Variants in BNC2 observed in about 807,000 individuals in gnomAD.
BNC2 encodes zinc finger protein basonuclin-2.
Under a neutral mutation model 76.3 loss-of-function variants are expected in BNC2, and 20 were observed. That is an observed-to-expected ratio of 0.26 (90% confidence interval 0.18 to 0.38). BNC2 has a LOEUF of 0.38. Ranked by LOEUF, BNC2 falls within the 10% of genes least tolerant of loss-of-function variation. BNC2 has a pLI of 1.00. For missense variants in BNC2, 1,382 were observed against 1,399.8 expected, an observed-to-expected ratio of 0.99 and a Z score of 0.20; for synonymous variants, 582 against 514.8, an observed-to-expected ratio of 1.13 and a Z score of -1.77.
intron 6 of BNC2, among the ~76,000 whole-genome samples, chr9:16,434,066 A>T (rs1266250528): frequency 6.6e-6 from 1 of 152,172 alleles, no homozygotes; most frequent in East Asian, 1.9e-4. Flanking sequence ...TAACGTTGTG[A>T]CTATAAACCA....
chr9:16,657,140 T>C (rs1032692654), intron 3 of BNC2, among the ~76,000 whole-genome samples: 8 of 151,996 alleles, frequency 5.3e-5, no homozygotes, highest in African/African-American at 1.9e-4. Context: ...GAGAAACAGG[T>C]GGGCAGTTAA....
intron 5 of BNC2, among the ~76,000 whole-genome samples, chr9:16,514,695 A>G (rs1822837924): frequency 6.6e-6 from 1 of 152,232 alleles, no homozygotes; most frequent in Admixed American, 6.5e-5. Flanking sequence ...TTGTAATAAT[A>G]ACATTTTTCT....
rs188643589 is a variant in BNC2 at position 16,437,481 on chromosome 9, C to T, written c.713G>A (p.Arg238Gln). 3.7e-5 allele frequency: 60 copies of T among 1,613,620 alleles called. No individual in the cohort carries two copies. Among genetic ancestry groups the T allele is most frequent in the Non-Finnish European group, 4.8e-5 (57 of 1,179,982 alleles). The part of the protein sequence containing the change: ...KVLDRWAIMS[R>Q]EEEIITLQQF... ...CTGAAGGGTGATGATTTCCTCTTCT[C>T]GAGACATGATGGCCCAGCGGTCCAG... Residue 238 changes from arginine to glutamine, a missense_variant, in exon 6 of 7, where the codon CGA (arginine) becomes CAA (glutamine). Coordinates refer to ENST00000380672, the MANE Select transcript of BNC2 (RefSeq NM_017637.6).
chr9:16,779,968 G>A (rs1348971542), intron 1 of BNC2, among the ~76,000 whole-genome samples: 2 of 152,300 alleles, frequency 1.3e-5, no homozygotes, highest in Non-Finnish European at 2.9e-5. Context: ...CGGGCGTGGT[G>A]GCTCACGCCT....
At chr9:16,847,956 T>C (rs1022084627) in intron 1 of BNC2, among the ~76,000 whole-genome samples, 2 of 152,212 alleles carry the variant, frequency 1.3e-5, no homozygotes, top group African/African-American at 4.8e-5. Flanking sequence ...GTGTGTTCAA[T>C]CTCAAAAGAC....
At chr9:16,556,944 C>T (rs75406773) in intron 4 of BNC2, among the ~76,000 whole-genome samples, 3,440 of 152,060 alleles carry the variant, frequency 0.023, 145 homozygotes, top group African/African-American at 0.077. Flanking sequence ...AACTATGATA[C>T]ATGATGATTT....
At chr9:16,619,339 C>CA (rs111641752) in intron 3 of BNC2, among the ~76,000 whole-genome samples, 77 of 147,814 alleles carry the variant, frequency 5.2e-4, no homozygotes, top group East Asian at 3.0e-3. Flanking sequence ...AAACAAAAAA[C>CA]AAAAAAAAAA....
At chr9:16,854,950 C>A (rs1235013353) in intron 1 of BNC2, among the ~76,000 whole-genome samples, 1 of 151,876 alleles carries the variant, frequency 6.6e-6, no homozygotes, top group Non-Finnish European at 1.5e-5. Flanking sequence ...CCCTCAGGCC[C>A]CCATCCCACC....
At chr9:16,459,797 G>C (rs1287210790) in intron 5 of BNC2, among the ~76,000 whole-genome samples, 1 of 151,336 alleles carries the variant, frequency 6.6e-6, no homozygotes, top group African/African-American at 2.4e-5. Flanking sequence ...CAAATAAAAA[G>C]AAAAAAAACC....
rs541468867 is a variant in BNC2 at position 16,443,566 on chromosome 9, C to T, written c.670-6042G>A. ...TAAAAATTGATGAAACAATGCTATG[C>T]AAAACTTAAATCATAAATTTTACCA... On this transcript the variant is annotated intron_variant, in intron 5 of 6. Transcript: ENST00000380672. Among the ~76,000 whole-genome samples, 4 of 152,084 alleles carry T rather than the reference C, an allele frequency of 2.6e-5. No individual in the cohort carries two copies. The East Asian group carries it at 7.7e-4, about 29-fold the overall frequency.
intron 4 of BNC2, among the ~76,000 whole-genome samples, chr9:16,564,408 G>C (rs776819699): frequency 2.0e-5 from 3 of 152,148 alleles, no homozygotes; most frequent in Non-Finnish European, 4.4e-5. Context: ...GTAAAGATGA[G>C]GCACAGCTAC....
At chr9:16,774,273 G>A (rs188292999) in intron 1 of BNC2, among the ~76,000 whole-genome samples, 165 of 152,282 alleles carry the variant, frequency 1.1e-3, no homozygotes, top group African/African-American at 2.9e-3. Context: ...GTGAGCCACC[G>A]TGTCCGGCCT....
At chr9:16,813,415 G>C (rs1257875225) in intron 1 of BNC2, among the ~76,000 whole-genome samples, 1 of 151,748 alleles carries the variant, frequency 6.6e-6, no homozygotes, top group African/African-American at 2.4e-5. Flanking sequence ...ACAGGCGCCC[G>C]CCACTACGCC....
chr9:16,550,236 C>T (rs998371391), intron 5 of BNC2, among the ~76,000 whole-genome samples: 34 of 151,812 alleles, frequency 2.2e-4, no homozygotes, highest in African/African-American at 8.3e-4. Context: ...AATTTGTAAA[C>T]TTTCTTAAAA....
chr9:16,456,142 A>C (rs1285695496), intron 5 of BNC2, among the ~76,000 whole-genome samples: 1 of 152,208 alleles, frequency 6.6e-6, no homozygotes, highest in African/African-American at 2.4e-5. Flanking sequence ...ATGCCAGTTT[A>C]ACATGAAATT....
chr9:16,711,850 C>CT (rs1209817936), intron 3 of BNC2, among the ~76,000 whole-genome samples: 1 of 152,220 alleles, frequency 6.6e-6, no homozygotes, highest in Non-Finnish European at 1.5e-5. Context: ...AGGTATTTCT[C>CT]TGAGTCTTCA....
chr9:16,589,424 G>A lies in BNC2; in HGVS notation c.331-6339C>T, dbSNP rs539984416. On this transcript the variant is annotated intron_variant, in intron 3 of 6. Transcript: ENST00000380672. Reference sequence around the variant, plus strand: ...TGGTCTCAAACTCCTAAGCTCAAGCGATTTGCCCGCCTCAGCCTCCCAAAG... The same window carrying A: ...TGGTCTCAAACTCCTAAGCTCAAGCAATTTGCCCGCCTCAGCCTCCCAAAG... Among the ~76,000 whole-genome samples, 6 of 151,880 alleles carry A rather than the reference G, an allele frequency of 4.0e-5. No homozygotes were observed. In the East Asian group the frequency reaches 5.8e-4, roughly 15 times the overall value.
chr9:16,832,584 G>C (rs962271752), intron 1 of BNC2, among the ~76,000 whole-genome samples: 4 of 152,112 alleles, frequency 2.6e-5, no homozygotes, highest in Non-Finnish European at 5.9e-5. Flanking sequence ...ATTCTCTCAA[G>C]GGTCTGTGAA....
intron 5 of BNC2, among the ~76,000 whole-genome samples, chr9:16,505,779 T>C (rs1341065913): frequency 6.6e-6 from 1 of 152,096 alleles, no homozygotes; most frequent in Non-Finnish European, 1.5e-5. Context: ...AATCAGGTGA[T>C]TTGAATTTCA....
Sources: gnomAD v4.1 joint callset for allele counts (sites outside exome capture counted in the v4.1 genomes callset) on GRCh38, gnomAD v4.1.1 for gene constraint, MANE v1.5 for transcripts, NCBI Gene and HGNC (gene_info 2026-07-23, HGNC 2026-07-21) for gene names.